The following KCNIP4 variants were observed in gnomAD, a reference collection of about 807,000 sequenced individuals.
KCNIP4 encodes the protein potassium voltage-gated channel interacting protein 4.
KCNIP4 carries 12 observed loss-of-function variants against 34.0 expected under a neutral mutation model. The ratio of observed to expected loss-of-function variants is 0.35; its 90% CI spans 0.23 to 0.57. The LOEUF (loss-of-function observed/expected upper bound fraction) is 0.57, where lower values mean the gene tolerates loss of function less well. KCNIP4 is among the 20% of genes least tolerant of loss of function. The pLI is 0.83. For synonymous variants in KCNIP4, 124 were observed against 102.2 expected, an observed-to-expected ratio of 1.21 and a Z score of -1.29; for missense variants, 238 against 311.7, an observed-to-expected ratio of 0.76 and a Z score of 1.78.
chr4:20,779,593 A>ACAC (rs1756687636), intron 3 of KCNIP4, among the ~76,000 whole-genome samples: 2 of 76,910 alleles, frequency 2.6e-5, no homozygotes, highest in Non-Finnish European at 5.5e-5. Flanking sequence ...CCCCCCACAC[A>ACAC]AAAAAGAAAT....
At chr4:21,287,491 G>C (rs931898941) in intron 1 of KCNIP4, among the ~76,000 whole-genome samples, 3 of 152,172 alleles carry the variant, frequency 2.0e-5, no homozygotes, top group Admixed American at 6.5e-5. Flanking sequence ...AAAGTGAACA[G>C]CATATGTTAA....
intron 1 of KCNIP4, among the ~76,000 whole-genome samples, chr4:21,625,056 C>T (rs925060211): frequency 6.6e-6 from 1 of 151,838 alleles, no homozygotes; most frequent in African/African-American, 2.4e-5. Context: ...GCACAGCAAA[C>T]CAACAGTGCT....
At chr4:21,173,904 A>G (rs1008979812) in intron 1 of KCNIP4, among the ~76,000 whole-genome samples, 1 of 152,190 alleles carries the variant, frequency 6.6e-6, no homozygotes, top group Non-Finnish European at 1.5e-5. Context: ...CAAGTAGGTA[A>G]AAGGCTCTTG....
At chr4:21,464,820 G>T (rs1729773998) in intron 1 of KCNIP4, 1 of 152,024 alleles carries the variant, frequency 6.6e-6, no homozygotes. Context: ...TTGACTAGTT[G>T]TTCAGAATTT....
intron 1 of KCNIP4, among the ~76,000 whole-genome samples, chr4:21,828,744 TA>T (rs1370622912): frequency 6.6e-6 from 1 of 151,902 alleles, no homozygotes; most frequent in African/African-American, 2.4e-5. Context: ...TATATCAAAA[TA>T]GAAGTATATA....
chr4:21,805,126 A>C (rs1479905910), intron 1 of KCNIP4, among the ~76,000 whole-genome samples: 1 of 152,196 alleles, frequency 6.6e-6, no homozygotes, highest in Non-Finnish European at 1.5e-5. Context: ...TAATGGTTGC[A>C]CTACTCTAGA....
chr4:21,693,640 C>A (rs1347314809), intron 1 of KCNIP4, among the ~76,000 whole-genome samples: 1 of 152,138 alleles, frequency 6.6e-6, no homozygotes, highest in Non-Finnish European at 1.5e-5. Flanking sequence ...TCAGTGATGT[C>A]AATTTTAAGG....
chr4:21,759,919 T>A (rs1717930916), intron 1 of KCNIP4, among the ~76,000 whole-genome samples: 1 of 152,046 alleles, frequency 6.6e-6, no homozygotes, highest in Non-Finnish European at 1.5e-5. Context: ...ACTGCTCCTT[T>A]AGATTTCTGC....
chr4:20,730,065 A>G lies in KCNIP4; in HGVS notation c.*17T>C, dbSNP rs12643980. 4,335 of 1,605,020 alleles carry G rather than the reference A, an allele frequency of 2.7e-3. 109 individuals are homozygous for G. The South Asian group carries it at 0.037, about 14-fold the overall frequency. On this transcript the variant is annotated 3_prime_UTR_variant, in exon 9 of 9. Coordinates refer to ENST00000382152, the MANE Select transcript of KCNIP4 (RefSeq NM_025221.6). ...TAGTTCACATTTGTCTGTTGGATTC[A>G]GGATCTATTTGACAAGTTAAATCAC... is the stretch of plus-strand genomic sequence containing the variant.
chr4:21,385,274 T>C (rs549303698), intron 1 of KCNIP4, among the ~76,000 whole-genome samples: 16 of 152,276 alleles, frequency 1.1e-4, no homozygotes, highest in African/African-American at 3.8e-4. Flanking sequence ...TGAGAGCAAA[T>C]GCTGGGTGAT....
chr4:21,084,977 T>C (rs1020351705), intron 1 of KCNIP4, among the ~76,000 whole-genome samples: 14 of 149,916 alleles, frequency 9.3e-5, no homozygotes, highest in African/African-American at 2.5e-4. Context: ...ATTACACTTA[T>C]ATAATATCTA....
At chr4:20,935,690 A>G (rs943716321) in intron 1 of KCNIP4, among the ~76,000 whole-genome samples, 22 of 152,218 alleles carry the variant, frequency 1.4e-4, no homozygotes, top group African/African-American at 5.3e-4. Flanking sequence ...AGTAAACAGA[A>G]ATTCCACCCA....
chr4:21,462,367 G>T (rs975665769), intron 1 of KCNIP4, among the ~76,000 whole-genome samples: 11 of 152,118 alleles, frequency 7.2e-5, no homozygotes, highest in Non-Finnish European at 1.5e-4. Flanking sequence ...GTGGATGGCG[G>T]CAGGCAAAGA....
At chr4:21,466,352 T>G (rs1729937505) in intron 1 of KCNIP4, among the ~76,000 whole-genome samples, 1 of 152,188 alleles carries the variant, frequency 6.6e-6, no homozygotes, top group Non-Finnish European at 1.5e-5. Context: ...CTGACCAAGA[T>G]GGCCCCCTAA....
chr4:21,041,808 T>C (rs1466472611), intron 1 of KCNIP4, among the ~76,000 whole-genome samples: 1 of 152,162 alleles, frequency 6.6e-6, no homozygotes, highest in African/African-American at 2.4e-5. Context: ...AGGCAAATAT[T>C]ATTTATCTAA....
At chr4:21,270,951 A>T (rs1459398068) in intron 1 of KCNIP4, among the ~76,000 whole-genome samples, 2 of 145,110 alleles carry the variant, frequency 1.4e-5, no homozygotes, top group African/African-American at 5.2e-5. Flanking sequence ...ACACCATTGT[A>T]CTCCAGCCTG....
chr4:21,584,864 C>T (rs1320538535), intron 1 of KCNIP4, among the ~76,000 whole-genome samples: 2 of 152,042 alleles, frequency 1.3e-5, no homozygotes, highest in Non-Finnish European at 2.9e-5. Context: ...TTCTTGAAAA[C>T]GTTTGAGCTT....
chr4:21,350,951 G>T (rs548966056), intron 1 of KCNIP4, among the ~76,000 whole-genome samples: 60 of 152,220 alleles, frequency 3.9e-4, no homozygotes, highest in African/African-American at 1.4e-3. Context: ...CTGTGGAGAA[G>T]TTACTGAGAA....
chr4:20,805,887 T>C (rs1048703690), intron 3 of KCNIP4, among the ~76,000 whole-genome samples: 3 of 152,160 alleles, frequency 2.0e-5, no homozygotes, highest in African/African-American at 7.2e-5. Flanking sequence ...GAAATTTTTG[T>C]TCTTGAAGTC....
Sources: allele counts gnomAD v4.1 joint callset (sites outside exome capture counted in the v4.1 genomes callset), GRCh38; gene constraint gnomAD v4.1.1; transcripts MANE v1.5; gene names NCBI Gene and HGNC (gene_info 2026-07-23, HGNC 2026-07-21).